MTMR8: variants seen among roughly 807,000 people sequenced by gnomAD.
MTMR8 encodes the protein phosphatidylinositol-3,5-bisphosphate 3-phosphatase MTMR8.
A neutral mutation model predicts 39.3 loss-of-function variants in MTMR8; 65 were observed. The ratio of observed to expected loss-of-function variants is 1.65; its 90% CI spans 1.35 to 2.03. The LOEUF (loss-of-function observed/expected upper bound fraction) is 2.03, where lower values mean the gene tolerates loss of function less well. MTMR8 is among the 30% of genes most tolerant of loss of function. The probability of loss-of-function intolerance (pLI) is 0.00; values close to 1 mark genes in which losing one functional copy is unlikely to be tolerated. For synonymous variants in MTMR8, 245 were observed against 185.2 expected (o/e 1.32, Z -2.62); for missense variants, 777 against 538.9 (o/e 1.44, Z -4.37).
chrX:64,271,943 C>T (rs1452261313), intron 12 of MTMR8, among the ~76,000 whole-genome samples: 1 of 112,163 alleles, frequency 8.9e-6, no homozygotes, highest in Non-Finnish European at 1.9e-5. Flanking sequence ...TCTCCAGGAG[C>T]TACCAAGGGA....
At chrX:64,383,565 T>A (rs1924485594) in intron 1 of MTMR8, among the ~76,000 whole-genome samples, 1 of 109,859 alleles carries the variant, frequency 9.1e-6, no homozygotes, top group South Asian at 3.9e-4. Context: ...CTCAGGAAAC[T>A]CACAATCATG....
Position 64,283,673 on chromosome X carries a change from C to T in MTMR8, c.1482-12600G>A, listed in dbSNP as rs750643740. On this transcript the variant is annotated intron_variant, in intron 12 of 13. Coordinates refer to ENST00000374852, the MANE Select transcript of MTMR8 (RefSeq NM_017677.4). ...GCAACATTTGCTGTTGAGCAATATT[C>T]GCTGTTCTGCAGCCTCTGCTGCTGA... Among the ~76,000 whole-genome samples the T allele has an allele frequency of 1.2e-3, 134 of 112,487 alleles. 1 individual carries two copies. Among genetic ancestry groups the T allele is most frequent in the South Asian group, 0.01 (28 of 2,723 alleles).
At chrX:64,375,379 T>C (rs1932920) in intron 1 of MTMR8, among the ~76,000 whole-genome samples, 15,233 of 106,986 alleles carry the variant, frequency 0.14, 2,551 homozygotes, top group African/African-American at 0.48. Context: ...AGTAAAGGGA[T>C]GGAGAAAGAT....
Position 64,270,804 on chromosome X carries a change from T to C in MTMR8, c.1608+143A>G, listed in dbSNP as rs142070456. The C allele has an allele frequency of 5.5e-3, 3,061 of 559,985 alleles. 17 individuals carry two copies. The highest frequency in any genetic ancestry group is 6.9e-3 in the Non-Finnish European group (2,603 of 377,837). 46.1% of individuals were successfully genotyped at this position (559,985 alleles called of 1,213,427 possible). A position where few individuals can be genotyped will look rare whatever the true frequency, so the allele number is the denominator to read the frequency against. On this transcript the variant is annotated intron_variant, in intron 13 of 13. Transcript: ENST00000374852. ...TAAGAAAAGGAGTTATGCTCAGAGA[T>C]TTGTAGACACGGGACACATGAAAAG...
At chrX:64,305,829 A>G in intron 12 of MTMR8, 1 of 328,611 alleles carries the variant, frequency 3.0e-6, no homozygotes, top group Non-Finnish European at 5.7e-6. Flanking sequence ...ATTGGCCATA[A>G]CCCAGGCTGG....
chrX:64,370,953 C>T (rs1924115585), intron 1 of MTMR8, among the ~76,000 whole-genome samples: 1 of 111,513 alleles, frequency 9.0e-6, no homozygotes, highest in South Asian at 3.7e-4. Flanking sequence ...AGGAGTTCAA[C>T]ACTATCCTGG....
chrX:64,384,957 A>G (rs1924520412), intron 1 of MTMR8, among the ~76,000 whole-genome samples: 1 of 112,413 alleles, frequency 8.9e-6, no homozygotes, highest in Non-Finnish European at 1.9e-5. Context: ...CTTTTCTACC[A>G]CATAGCCAGG....
Position 64,395,331 on chromosome X carries a change from TCTC to T in MTMR8, c.24+6_24+8del. 1 of 1,209,991 alleles carries T rather than the reference TCTC, an allele frequency of 8.3e-7. No individual in the cohort carries two copies. The highest frequency in any genetic ancestry group is 1.1e-6 in the Non-Finnish European group (1 of 894,706). ...GCGGCTGTCAGCCTCGCTTAACTCT[TCTC>T]CTTACCTTGGGTACCGTAATATGAT... On this transcript the variant is annotated splice_donor_region_variant and intron_variant, in intron 1 of 13. Coordinates refer to ENST00000374852, the MANE Select transcript of MTMR8 (RefSeq NM_017677.4).
intron 1 of MTMR8, among the ~76,000 whole-genome samples, chrX:64,391,831 A>G (rs1924697294): frequency 8.9e-6 from 1 of 112,452 alleles, no homozygotes; most frequent in Non-Finnish European, 1.9e-5. Context: ...AAGCTAGTTA[A>G]GTAGCAGAGT....
In MTMR8 at chrX:64,354,836, C is replaced by CA. The variant is rs768746828; in HGVS notation, c.408dup (p.Gly137TrpfsTer20). The CA allele has an allele frequency of 1.7e-6, 2 of 1,205,194 alleles. No homozygotes were observed. Among genetic ancestry groups the CA allele is most frequent in the African/African-American group, 3.5e-5 (2 of 57,037 alleles). On this transcript the variant is annotated frameshift_variant, in exon 4 of 14. Transcript: ENST00000374852. LOFTEE classifies it high-confidence loss of function. Reference sequence around the variant, plus strand: ...TTTCTGTTGGGTATTCCCATACGCCCAAAGTCTGATATTGGGTCAATCAGT... The same window carrying CA: ...TTTCTGTTGGGTATTCCCATACGCCCAAAAGTCTGATATTGGGTCAATCAGT...
At chrX:64,309,963 G>T (rs961930740) in intron 12 of MTMR8, among the ~76,000 whole-genome samples, 4 of 111,716 alleles carry the variant, frequency 3.6e-5, no homozygotes. Flanking sequence ...ACTGCTCAGG[G>T]TACTGGTGGT....
rs1931694544 is a variant in MTMR8, at chrX:64,268,951, G to A, written c.1701C>T (p.Thr567=). The A allele has an allele frequency of 2.5e-6, 3 of 1,209,759 alleles. No homozygotes were observed. Among genetic ancestry groups the A allele is most frequent in the South Asian group, 3.5e-5 (2 of 56,791 alleles). Residue 567 remains threonine (T), a synonymous_variant, in exon 14 of 14, where the codon ACC becomes ACT. Transcript: ENST00000374852. ...ILSQHLGSPL[T]NPLGFMGING... ...TGATACCCATAAAGCCAAGAGGATT[G>A]GTCAAAGGACTTCCCAGATGCTGGG...
chrX:64,287,756 T>C (rs1454532169), intron 12 of MTMR8, among the ~76,000 whole-genome samples: 3 of 108,041 alleles, frequency 2.8e-5, no homozygotes, highest in Non-Finnish European at 5.8e-5. Flanking sequence ...GAAAACTGGC[T>C]AGCCATATGT....
intron 12 of MTMR8, among the ~76,000 whole-genome samples, chrX:64,304,860 TTATATA>T (rs751399962): frequency 0.011 from 307 of 28,563 alleles, 1 homozygote; most frequent in East Asian, 0.031. Flanking sequence ...GATCAAACAT[TTATATA>T]TATATATATA....
intron 12 of MTMR8, among the ~76,000 whole-genome samples, chrX:64,321,918 AG>A (rs1200011975): frequency 8.9e-6 from 1 of 112,167 alleles, no homozygotes; most frequent in East Asian, 2.8e-4. Context: ...AAATGATCAT[AG>A]GGTTTAGTCC....
intron 1 of MTMR8, among the ~76,000 whole-genome samples, chrX:64,380,964 T>A (rs1336203404): frequency 8.9e-6 from 1 of 112,361 alleles, no homozygotes; most frequent in Non-Finnish European, 1.9e-5. Flanking sequence ...ATGGTGTATA[T>A]GTGCCACATT....
At chrX:64,285,645 C>A (rs1811539364) in intron 12 of MTMR8, among the ~76,000 whole-genome samples, 2 of 112,018 alleles carry the variant, frequency 1.8e-5, no homozygotes, top group African/African-American at 6.5e-5. Flanking sequence ...ACAGTCCAAT[C>A]AAACTAGAAC....
chrX:64,302,127 G>A (rs994887868), intron 12 of MTMR8, among the ~76,000 whole-genome samples: 3 of 112,777 alleles, frequency 2.7e-5, no homozygotes, highest in African/African-American at 6.4e-5. Flanking sequence ...TTGTTTACCT[G>A]AGCAAGCCTG....
Position 64,268,982 on chromosome X carries a change from A to C in MTMR8, c.1670T>G (p.Ile557Arg), listed in dbSNP as rs1395774206. The change falls in exon 14 of 14, where the codon ATA becomes AGA. Residue 557 changes from isoleucine (I) to arginine (R), a missense_variant. Physicochemically the swap from Ile to Arg is moderately conservative, Grantham distance 97. Coordinates refer to ENST00000374852, the MANE Select transcript of MTMR8 (RefSeq NM_017677.4). The part of the protein sequence containing the change: ...EICTCSQLGN[I>R]LSQHLGSPLT... ...AGGACTTCCCAGATGCTGGGATAAT[A>C]TGTTTCCTAATTGAGAGCAGGTACA... 1.7e-6 allele frequency: 2 copies of C among 1,209,757 alleles called. No homozygotes were observed. The highest frequency in any genetic ancestry group is 3.0e-5 in the East Asian group (1 of 33,752).
Sources: gnomAD v4.1 joint callset for allele counts (sites outside exome capture counted in the v4.1 genomes callset) on GRCh38, gnomAD v4.1.1 for gene constraint, MANE v1.5 for transcripts, NCBI Gene and HGNC (gene_info 2026-07-23, HGNC 2026-07-21) for gene names.